NSD2: variants seen among roughly 807,000 people sequenced by gnomAD.
NSD2 encodes histone-lysine N-methyltransferase NSD2.
In NSD2, 12 loss-of-function variants were observed where a neutral mutation model predicts 139.0. The ratio of observed to expected loss-of-function variants is 0.09; its 90% CI spans 0.06 to 0.14. The LOEUF (loss-of-function observed/expected upper bound fraction) is 0.14, where lower values mean the gene tolerates loss of function less well. Among genes scored for constraint, NSD2 ranks in the 10% least tolerant of loss-of-function variants. The probability of loss-of-function intolerance (pLI) is 1.00; values close to 1 mark genes in which losing one functional copy is unlikely to be tolerated. For synonymous variants in NSD2, 669 were observed against 648.7 expected (o/e 1.03, Z -0.48); for missense variants, 1,155 against 1,745.0 (o/e 0.66, Z 6.02).
Position 1,976,345 on chromosome 4 carries a change from C to A in NSD2, c.3622-130C>A. On this transcript the variant is annotated intron_variant, in intron 20 of 21. Transcript: ENST00000508803. The surrounding 1 kb of genome is among the most constrained non-coding windows in gnomAD (Gnocchi z 5.3). ...TGGGGAGCACGAGGAGGACACTCCTCTCCTCTCCTCTTAGTGTTGGGCACC... is the reference window on the plus strand; with the variant it reads ...TGGGGAGCACGAGGAGGACACTCCTATCCTCTCCTCTTAGTGTTGGGCACC... 1 of 986,170 alleles carries A rather than the reference C, an allele frequency of 1.0e-6. No homozygotes were observed. The highest frequency in any genetic ancestry group is 1.5e-6 in the Non-Finnish European group (1 of 658,630). 61.1% of individuals were successfully genotyped at this position (986,170 alleles called of 1,614,324 possible).
intron 7 of NSD2, 50 bp from the exon 8 acceptor site, chr4:1,938,401 C>CTTTTTTTTTTGTTTGTTTTTTT: frequency 1.1e-6 from 1 of 872,424 alleles, no homozygotes; most frequent in Non-Finnish European, 1.4e-6. Flanking sequence ...TTTTTCTTTT[C>CTTTTTTTTTTGTTTGTTTTTTT]TTTTTTTTTT....
chr4:1,923,316 CAAA>C (rs34772768), intron 5 of NSD2, among the ~76,000 whole-genome samples: 19 of 62,206 alleles, frequency 3.1e-4, no homozygotes, highest in Admixed American at 3.9e-4. Flanking sequence ...GACCCTGGCT[CAAA>C]AAAAAAAAAA....
At chr4:1,934,819 G>A (rs1200331107) in intron 6 of NSD2, among the ~76,000 whole-genome samples, 1 of 113,684 alleles carries the variant, frequency 8.8e-6, no homozygotes, top group Non-Finnish European at 1.6e-5. Flanking sequence ...CTGCCCTCCA[G>A]CCTGGGTGAC....
rs1170879480 is a variant in NSD2, at chr4:1,979,270, G to C, written c.*361G>C. The C allele has an allele frequency of 1.6e-5, 4 of 257,352 alleles. No homozygotes were observed. The highest frequency in any genetic ancestry group is 1.1e-3 in the Middle Eastern group (1 of 934). 15.9% of individuals were successfully genotyped at this position (257,352 alleles called of 1,614,324 possible). A position where few individuals can be genotyped will look rare whatever the true frequency, so the allele number is the denominator to read the frequency against. On this transcript the variant is annotated 3_prime_UTR_variant, in exon 22 of 22. Transcript: ENST00000508803. Reference sequence around the variant, plus strand: ...AATCTCCTCTGAAATGTGTAGCGTAGGCTTTTCCCAAGGGTCGCTAGAAAC... The same window carrying C: ...AATCTCCTCTGAAATGTGTAGCGTACGCTTTTCCCAAGGGTCGCTAGAAAC...
intron 18 of NSD2, among the ~76,000 whole-genome samples, chr4:1,965,051 C>CAAAAAAAAAAAA (rs555374240): frequency 1.1e-4 from 5 of 47,174 alleles, no homozygotes; most frequent in Non-Finnish European, 1.5e-4. Context: ...CAGTGTTCAG[C>CAAAAAAAAAAAA]AAAAAAAAAA....
rs999828966 is a variant in NSD2, at chr4:1,973,735, G to A, written c.3373-1128G>A. On this transcript the variant is annotated intron_variant, in intron 18 of 21. Transcript: ENST00000508803. This position sits in a 1 kb window ranked among gnomAD's most constrained non-coding sequence, Gnocchi z 5.5. ...GAGGCCGCGTGTGAATAGTGACTCC[G>A]AAGCCTGCCGCTTCCTGGGACCATG... Among the ~76,000 whole-genome samples, 4 of 152,242 alleles carry A rather than the reference G, an allele frequency of 2.6e-5. No homozygotes were observed. Among genetic ancestry groups the A allele is most frequent in the African/African-American group, 9.6e-5 (4 of 41,460 alleles).
chr4:1,965,051 CAAAAAA>C (rs555374240), intron 18 of NSD2, among the ~76,000 whole-genome samples: 282 of 47,170 alleles, frequency 6.0e-3, no homozygotes, highest in Non-Finnish European at 7.6e-3. Context: ...CAGTGTTCAG[CAAAAAA>C]AAAAAAAAAA....
chr4:1,893,471 T>TA (rs1005732433), intron 1 of NSD2, among the ~76,000 whole-genome samples: 3 of 151,296 alleles, frequency 2.0e-5, no homozygotes, highest in African/African-American at 4.9e-5. Context: ...TCCGTTTCAA[T>TA]AAAAAAATAA....
Position 1,974,756 on chromosome 4 carries a change from C to T in NSD2, c.3373-107C>T. 6.6e-7 allele frequency: 1 copy of T among 1,509,158 alleles called. No homozygotes were observed. The highest frequency in any genetic ancestry group is 9.2e-7 in the Non-Finnish European group (1 of 1,091,252). The allele number at this position is 1,509,158 out of a possible 1,614,324, so 93.5% of individuals were successfully genotyped here. A position where few individuals can be genotyped will look rare whatever the true frequency, so the allele number is the denominator to read the frequency against. On this transcript the variant is annotated intron_variant, in intron 18 of 21. Coordinates refer to ENST00000508803, the MANE Select transcript of NSD2 (RefSeq NM_001042424.3). This position sits in a 1 kb window ranked among gnomAD's most constrained non-coding sequence, Gnocchi z 4.0. ...ACACAGGACACCACGGTTTTCAGTA[C>T]AACAAGGAACACAACTTGTTCAATG...
intron 9 of NSD2, chr4:1,944,087 G>A (rs2108912980): frequency 1.9e-6 from 2 of 1,066,358 alleles, no homozygotes; most frequent in African/African-American, 1.6e-5. Context: ...TCTCAGCGGG[G>A]GGTGGGGTGA....
rs3762937 is a variant in NSD2, at chr4:1,891,862, A to C, written c.-29-8764A>C. On this transcript the variant is annotated intron_variant, in intron 1 of 21. Transcript: ENST00000508803. ...ACAGAGGGAGACTCCATCTCAAAAA[A>C]AAAAAAAAACAAAAAAAAACAAACA... Among the ~76,000 whole-genome samples, 1,191 of 151,280 alleles carry C rather than the reference A, an allele frequency of 7.9e-3. 103 individuals carry two copies. In the East Asian group the frequency reaches 0.18, roughly 23 times the overall value.
chr4:1,921,462 TA>T (rs1407896380), intron 5 of NSD2, among the ~76,000 whole-genome samples: 64 of 124,502 alleles, frequency 5.1e-4, no homozygotes, highest in Admixed American at 5.7e-4. Context: ...CGTCTCAAAT[TA>T]AAAAAAAAAA....
chr4:1,919,237 G>C (rs1242646779), intron 5 of NSD2: 1 of 151,674 alleles, frequency 6.6e-6, no homozygotes, highest in Non-Finnish European at 1.5e-5. Flanking sequence ...TGCTTGAAGC[G>C]TGTGGTCATG....
chr4:1,959,436 T>G (rs1560770514), intron 16 of NSD2, 35 bp from the exon 17 acceptor site: 9 of 1,600,754 alleles, frequency 5.6e-6, no homozygotes, highest in Non-Finnish European at 7.7e-6. Flanking sequence ...AAGGCTCTCA[T>G]GTGTGGACCA....
At chr4:1,878,045 A>T (rs180761566) in intron 1 of NSD2, among the ~76,000 whole-genome samples, 2 of 151,458 alleles carry the variant, frequency 1.3e-5, no homozygotes, top group African/African-American at 4.8e-5. Context: ...AATAAAATTT[A>T]AAAAAAGTAT....
intron 21 of NSD2, among the ~76,000 whole-genome samples, chr4:1,978,220 G>T (rs536714101): frequency 1.3e-5 from 2 of 152,330 alleles, no homozygotes; most frequent in South Asian, 4.1e-4. Context: ...GGTGCGAGAG[G>T]GTGGTCCCTA....
chr4:1,876,973 T>C (rs1292897412), intron 1 of NSD2, among the ~76,000 whole-genome samples: 1 of 151,394 alleles, frequency 6.6e-6, no homozygotes, highest in Non-Finnish European at 1.5e-5. Flanking sequence ...CCGTCTCTAC[T>C]AAAAATACAA....
chr4:1,950,146 A>G (rs1212594261), intron 9 of NSD2, among the ~76,000 whole-genome samples: 2 of 152,238 alleles, frequency 1.3e-5, no homozygotes, highest in African/African-American at 4.8e-5. Flanking sequence ...TTGATTTGAC[A>G]GACAAGAAGA....
At chr4:1,950,107 A>G (rs1241764008) in intron 9 of NSD2, among the ~76,000 whole-genome samples, 1 of 152,246 alleles carries the variant, frequency 6.6e-6, no homozygotes, top group Non-Finnish European at 1.5e-5. Context: ...TTTACCTAAC[A>G]TCAAATAAAA....
Sources: gnomAD v4.1 joint callset for allele counts (sites outside exome capture counted in the v4.1 genomes callset) on GRCh38, gnomAD v4.1.1 for gene constraint, Gnocchi (gnomAD v3.1) non-coding constraint, MANE v1.5 for transcripts, NCBI Gene and HGNC (gene_info 2026-07-23, HGNC 2026-07-21) for gene names.